The following HYAL4 variants were observed in gnomAD, a reference collection of about 807,000 sequenced individuals.
HYAL4 encodes hyaluronidase-4.
Under a neutral mutation model 35.2 loss-of-function variants are expected in HYAL4, and 37 were observed. The observed-to-expected ratio is 1.05, with a 90% CI of 0.81 to 1.38. HYAL4 has a LOEUF of 1.38. Ranked by LOEUF, HYAL4 falls within the 40% of genes most tolerant of loss-of-function variation. HYAL4 has a pLI of 0.00. For synonymous variants in HYAL4, 198 were observed against 203.2 expected, an observed-to-expected ratio of 0.97 and a Z score of 0.22; for missense variants, 572 against 572.4, an observed-to-expected ratio of 1.00 and a Z score of 0.01.
upstream of HYAL4, among the ~76,000 whole-genome samples, chr7:123,827,802 A>T (rs560811636): frequency 6.6e-6 from 1 of 152,162 alleles, no homozygotes; most frequent in Non-Finnish European, 1.5e-5. Flanking sequence ...TACTGAGAAA[A>T]TATCCCACTG....
the HYAL4 span, among the ~76,000 whole-genome samples, chr7:123,774,127 C>T: frequency 6.6e-6 from 1 of 152,136 alleles, no homozygotes; most frequent in African/African-American, 2.4e-5. Context: ...GGTTCAACTC[C>T]TGGGTTCAAG....
the HYAL4 span, among the ~76,000 whole-genome samples, chr7:123,782,349 T>C: frequency 6.6e-6 from 1 of 152,146 alleles, no homozygotes; most frequent in Admixed American, 6.5e-5. Context: ...AAAAGAGCTA[T>C]AAGAATGGTG....
chr7:123,866,521 G>T (rs962357164), intron 2 of HYAL4, among the ~76,000 whole-genome samples: 2 of 152,166 alleles, frequency 1.3e-5, no homozygotes, highest in Admixed American at 1.3e-4. Flanking sequence ...GAGGAAAGGG[G>T]TCTGTATCCG....
chr7:123,784,316 A>G, the HYAL4 span, among the ~76,000 whole-genome samples: 8 of 152,326 alleles, frequency 5.3e-5, no homozygotes, highest in African/African-American at 9.6e-5. Context: ...TTGTTTTTCA[A>G]AACTCTTGAG....
intron 3 of HYAL4, among the ~76,000 whole-genome samples, chr7:123,870,759 C>CAAAAAAAAAA (rs377084649): frequency 1.2e-5 from 1 of 85,978 alleles, no homozygotes. Context: ...AACTCCATCT[C>CAAAAAAAAAA]AAAAAAAAAA....
intron 2 of HYAL4, among the ~76,000 whole-genome samples, chr7:123,860,839 G>A (rs994758183): frequency 2.0e-5 from 3 of 152,194 alleles, no homozygotes; most frequent in African/African-American, 7.2e-5. Flanking sequence ...TCAGGTTGGA[G>A]TCAACCCCTG....
chr7:123,784,038 G>A, the HYAL4 span, among the ~76,000 whole-genome samples: 1 of 152,166 alleles, frequency 6.6e-6, no homozygotes, highest in African/African-American at 2.4e-5. Context: ...GTGTACATGC[G>A]TGTGTGTTCA....
At chr7:123,764,570 C>A in the HYAL4 span, among the ~76,000 whole-genome samples, 1 of 152,102 alleles carries the variant, frequency 6.6e-6, no homozygotes, top group Non-Finnish European at 1.5e-5. Context: ...ATGATTAAAG[C>A]ATATAGTAGG....
chr7:123,775,456 A>G, the HYAL4 span, among the ~76,000 whole-genome samples: 1 of 152,120 alleles, frequency 6.6e-6, no homozygotes, highest in Admixed American at 6.5e-5. Flanking sequence ...AATGAAAGAA[A>G]AAAAGTGCCA....
chr7:123,803,100 T>C, the HYAL4 span, among the ~76,000 whole-genome samples: 8 of 152,180 alleles, frequency 5.3e-5, no homozygotes, highest in Non-Finnish European at 8.8e-5. Flanking sequence ...CTCTCTACTC[T>C]AGCTGAAGTA....
chr7:123,784,324 G>A, the HYAL4 span, among the ~76,000 whole-genome samples: 1 of 152,128 alleles, frequency 6.6e-6, no homozygotes, highest in African/African-American at 2.4e-5. Flanking sequence ...CAAAACTCTT[G>A]AGATATTGAT....
chr7:123,863,362 A>G (rs570261087), intron 2 of HYAL4, among the ~76,000 whole-genome samples: 3 of 152,286 alleles, frequency 2.0e-5, no homozygotes, highest in East Asian at 3.9e-4. Context: ...CAGTGTTCCA[A>G]AGACCACCAG....
the HYAL4 span, among the ~76,000 whole-genome samples, chr7:123,819,885 CT>C: frequency 4.9e-5 from 7 of 142,964 alleles, no homozygotes; most frequent in African/African-American, 1.9e-4. Context: ...ATAAATAATT[CT>C]TTTTTTTTCT....
intron 4 of HYAL4, chr7:123,875,937 A>G (rs1283283228): frequency 4.6e-6 from 2 of 438,296 alleles, no homozygotes; most frequent in Non-Finnish European, 9.1e-6. Context: ...ATTTGTTGCT[A>G]CTGAGATAGT....
At chr7:123,866,035 C>T (rs565588266) in intron 2 of HYAL4, among the ~76,000 whole-genome samples, 1 of 152,246 alleles carries the variant, frequency 6.6e-6, no homozygotes, top group Non-Finnish European at 1.5e-5. Flanking sequence ...TGGGAAATCT[C>T]GCCCTTGTGA....
At chr7:123,789,163 C>T in the HYAL4 span, among the ~76,000 whole-genome samples, 6 of 152,208 alleles carry the variant, frequency 3.9e-5, no homozygotes, top group African/African-American at 1.2e-4. Flanking sequence ...TCAGTAAATG[C>T]TACTCTCAAG....
the HYAL4 span, among the ~76,000 whole-genome samples, chr7:123,819,059 G>A: frequency 6.6e-6 from 1 of 151,994 alleles, no homozygotes; most frequent in Non-Finnish European, 1.5e-5. Flanking sequence ...TTGTAATTAT[G>A]TATTCTTTAA....
chr7:123,841,406 A>G (rs1485152592), upstream of HYAL4, among the ~76,000 whole-genome samples: 1 of 151,778 alleles, frequency 6.6e-6, no homozygotes, highest in Non-Finnish European at 1.5e-5. Flanking sequence ...TTTATTGAGG[A>G]TTTTTGCATC....
the HYAL4 span, among the ~76,000 whole-genome samples, chr7:123,778,964 C>T: frequency 3.3e-5 from 5 of 152,210 alleles, no homozygotes; most frequent in African/African-American, 7.2e-5. Flanking sequence ...ATTAAGCAGA[C>T]ATTGAAGAGA....
Sources: gnomAD v4.1 joint callset for allele counts (sites outside exome capture counted in the v4.1 genomes callset) on GRCh38, gnomAD v4.1.1 for gene constraint, MANE v1.5 for transcripts, NCBI Gene and HGNC (gene_info 2026-07-23, HGNC 2026-07-21) for gene names.